The following CLYBL variants were observed in gnomAD, a reference collection of about 807,000 sequenced individuals.
CLYBL encodes citramalyl-CoA lyase, mitochondrial.
In CLYBL, 31 loss-of-function variants were observed where a neutral mutation model predicts 38.9. The ratio of observed to expected loss-of-function variants is 0.80; its 90% CI spans 0.60 to 1.08. CLYBL has a LOEUF of 1.08. Ranked by LOEUF, CLYBL falls within the 50% of genes least tolerant of loss-of-function variation. The probability of loss-of-function intolerance (pLI) is 0.00; values close to 1 mark genes in which losing one functional copy is unlikely to be tolerated. For synonymous variants in CLYBL, 171 were observed against 158.6 expected (o/e 1.08, Z -0.59); for missense variants, 434 against 411.6 (o/e 1.05, Z -0.47).
chr13:99,639,883 C>T (rs1050907971), intron 1 of CLYBL, among the ~76,000 whole-genome samples: 1 of 152,070 alleles, frequency 6.6e-6, no homozygotes, highest in Non-Finnish European at 1.5e-5. Flanking sequence ...GGCAACATAG[C>T]AAGACATTAT....
chr13:99,683,417 T>C (rs956246515), intron 1 of CLYBL, among the ~76,000 whole-genome samples: 1 of 152,218 alleles, frequency 6.6e-6, no homozygotes, highest in Non-Finnish European at 1.5e-5. Context: ...TATGACTCTT[T>C]TATAGTAACA....
At chr13:99,667,655 T>A (rs1370496407) in intron 1 of CLYBL, among the ~76,000 whole-genome samples, 1 of 152,176 alleles carries the variant, frequency 6.6e-6, no homozygotes, top group Non-Finnish European at 1.5e-5. Flanking sequence ...AAAATCATTT[T>A]GATGAAGTTA....
chr13:99,859,544 A>C (rs76756924), intron 3 of CLYBL, among the ~76,000 whole-genome samples: 6,191 of 152,314 alleles, frequency 0.041, 215 homozygotes, highest in East Asian at 0.16. Context: ...CAACTGGAGG[A>C]ATGAACAGGA....
chr13:99,692,296 TTTTG>T (rs1566611529), intron 1 of CLYBL, among the ~76,000 whole-genome samples: 1 of 150,406 alleles, frequency 6.6e-6, no homozygotes, highest in African/African-American at 2.5e-5. Context: ...GTTTTTTTTT[TTTTG>T]TTTGTTTTTT....
At chr13:99,656,814 A>C (rs993041371) in intron 1 of CLYBL, among the ~76,000 whole-genome samples, 1 of 152,208 alleles carries the variant, frequency 6.6e-6, no homozygotes, top group Admixed American at 6.5e-5. Flanking sequence ...GTTGTTAGAG[A>C]ATTTTCAGCA....
chr13:99,810,231 A>C (rs1441597622), intron 2 of CLYBL, among the ~76,000 whole-genome samples: 3 of 152,246 alleles, frequency 2.0e-5, no homozygotes, highest in Admixed American at 2.0e-4. Context: ...AGACAGACAT[A>C]CATCATTCCA....
At chr13:99,901,771 T>C (rs2052647174), downstream of CLYBL, among the ~76,000 whole-genome samples, 1 of 151,942 alleles carries the variant, frequency 6.6e-6, no homozygotes, top group Non-Finnish European at 1.5e-5. Flanking sequence ...GTGATTCTCC[T>C]GCCTCAGCCT....
chr13:99,870,854 T>C (rs2051871600), intron 6 of CLYBL, 84 bp from the exon 7 acceptor site: 6 of 1,455,626 alleles, frequency 4.1e-6, no homozygotes, highest in Admixed American at 4.4e-5. Flanking sequence ...CTATGAGGCC[T>C]TCAGGAACCT....
At chr13:99,904,570 C>T (rs137862759) in intron 8 of CLYBL, among the ~76,000 whole-genome samples, 102 of 152,282 alleles carry the variant, frequency 6.7e-4, no homozygotes, top group African/African-American at 2.2e-3. Flanking sequence ...CTATAATTTT[C>T]GAAATCAGCC....
intron 1 of CLYBL, among the ~76,000 whole-genome samples, chr13:99,761,001 C>G (rs1276960510): frequency 6.6e-6 from 1 of 152,196 alleles, no homozygotes. Context: ...CCATAATCAA[C>G]TTCTCTTCAT....
intron 1 of CLYBL, among the ~76,000 whole-genome samples, chr13:99,636,758 G>A (rs969633154): frequency 6.6e-6 from 1 of 152,096 alleles, no homozygotes; most frequent in African/African-American, 2.4e-5. Flanking sequence ...TAAAATGATG[G>A]TTCTACGAGG....
chr13:99,786,765 G>C (rs80132087), intron 2 of CLYBL, among the ~76,000 whole-genome samples: 122,515 of 151,582 alleles, frequency 0.81, 50,211 homozygotes, highest in African/African-American at 0.94. Flanking sequence ...AGTTCTAGAT[G>C]CTTGAGGAAT....
chr13:99,741,357 G>A (rs4511391), intron 1 of CLYBL, among the ~76,000 whole-genome samples: 7 of 152,068 alleles, frequency 4.6e-5, no homozygotes, highest in African/African-American at 9.7e-5. Flanking sequence ...GTCCCAGGGA[G>A]TGTGTCACCT....
Position 99,627,284 on chromosome 13 carries a change from G to A in CLYBL, c.62+20527G>A, listed in dbSNP as rs372438763. On this transcript the variant is annotated intron_variant, in intron 1 of 8. Coordinates refer to ENST00000339105, the MANE Select transcript of CLYBL (RefSeq NM_206808.5). ...TGAAGATAAAATACTTAAAGAAAGC[G>A]TTGAATGTGATGATGAGTATTGTTT... 4.6e-5 allele frequency among the ~76,000 whole-genome samples: 7 copies of A among 152,028 alleles called. 1 individual carries two copies. The South Asian group carries it at 8.3e-4, about 18-fold the overall frequency.
intron 3 of CLYBL, among the ~76,000 whole-genome samples, chr13:99,862,339 T>C (rs968366484): frequency 2.0e-5 from 3 of 152,206 alleles, no homozygotes; most frequent in Non-Finnish European, 4.4e-5. Context: ...AGAGCTTTTG[T>C]ATGTTTCCAG....
At chr13:99,886,550 T>C (rs7981650) in intron 7 of CLYBL, among the ~76,000 whole-genome samples, 132,663 of 152,348 alleles carry the variant, frequency 0.87, 58,236 homozygotes, top group African/African-American at 0.97. Flanking sequence ...GACATATGTA[T>C]AGTAAGATGT....
At chr13:99,864,731 G>C in intron 4 of CLYBL, 87 bp from the exon 5 acceptor site, 1 of 865,040 alleles carries the variant, frequency 1.2e-6, no homozygotes, top group East Asian at 2.4e-5. Flanking sequence ...TTAAGAGTCA[G>C]GTCGTCCTGT....
chr13:99,685,285 AG>A (rs1446875338), intron 1 of CLYBL, among the ~76,000 whole-genome samples: 1 of 152,194 alleles, frequency 6.6e-6, no homozygotes, highest in Non-Finnish European at 1.5e-5. Flanking sequence ...CAAAAATTGA[AG>A]GGGGGAAAAA....
chr13:99,657,278 G>A (rs769425949), intron 1 of CLYBL, among the ~76,000 whole-genome samples: 1 of 152,192 alleles, frequency 6.6e-6, no homozygotes, highest in Non-Finnish European at 1.5e-5. Context: ...CCTTTGATCC[G>A]CATTCACATC....
Sources: gnomAD v4.1 joint callset for allele counts (sites outside exome capture counted in the v4.1 genomes callset) on GRCh38, gnomAD v4.1.1 for gene constraint, MANE v1.5 for transcripts, NCBI Gene and HGNC (gene_info 2026-07-23, HGNC 2026-07-21) for gene names.